Variants in HIPK1 observed in about 807,000 individuals in gnomAD.
The protein encoded by HIPK1 is homeodomain-interacting protein kinase 1.
Under a neutral mutation model 117.1 loss-of-function variants are expected in HIPK1, and 28 were observed. The observed-to-expected ratio is 0.24, with a 90% CI of 0.18 to 0.33. The LOEUF is 0.33. Among genes scored for constraint, HIPK1 ranks in the 10% least tolerant of loss-of-function variants. HIPK1 has a pLI of 1.00. For missense variants in HIPK1, 1,122 were observed against 1,475.1 expected (o/e 0.76, Z 3.92); for synonymous variants, 605 against 562.5 (o/e 1.08, Z -1.07).
intron 8 of HIPK1, among the ~76,000 whole-genome samples, chr1:113,959,660 G>A (rs1671967001): frequency 6.6e-6 from 1 of 152,206 alleles, no homozygotes; most frequent in Non-Finnish European, 1.5e-5. Flanking sequence ...AACTAATGAA[G>A]TTAGAGGGGA....
chr1:113,946,223 C>G (rs532097401), intron 2 of HIPK1, among the ~76,000 whole-genome samples: 3 of 152,298 alleles, frequency 2.0e-5, no homozygotes, highest in South Asian at 4.1e-4. Flanking sequence ...ATAACATACT[C>G]TACAGGTGCA....
chr1:113,961,568 C>G (rs959151100), intron 8 of HIPK1, among the ~76,000 whole-genome samples: 1 of 152,252 alleles, frequency 6.6e-6, no homozygotes, highest in Middle Eastern at 3.4e-3. Context: ...TCTTTCTTAT[C>G]TAATTCACTA....
rs1266614817 is a variant in HIPK1 at position 113,929,960 on chromosome 1, G to A, written c.-3+428G>A. The A allele has an allele frequency of 3.0e-6, 3 of 985,292 alleles. No homozygotes were observed. In the Admixed American group the frequency reaches 1.8e-4, roughly 61 times the overall value. The allele number at this position is 985,292 out of a possible 1,614,324, so 61.0% of individuals were successfully genotyped here. On this transcript the variant is annotated intron_variant, in intron 1 of 15. Coordinates refer to ENST00000426820, the MANE Select transcript of HIPK1 (RefSeq NM_198268.3). ...CGGCGGTGAGTGGGGACGGGCAGGA[G>A]GGGTCCTCGGCGGGGAGCGACTTCC...
Position 113,970,037 on chromosome 1 carries a change from C to A in HIPK1, c.2853C>A (p.Ser951Arg). Reference sequence around the variant, plus strand: ...CAGACTCTGACTCTTCTTTGAGCAGCCCTTATTCCACTGATACCCTGAGTG... The same window carrying A: ...CAGACTCTGACTCTTCTTTGAGCAGACCTTATTCCACTGATACCCTGAGTG... ...DSPDSDSSLS[S>R]PYSTDTLSAL... The change falls in exon 14 of 16, where the codon AGC (serine) becomes AGA (arginine). Residue 951 changes from serine to arginine, a missense_variant. By Grantham distance (110) the Ser-to-Arg change is moderately radical. Around this residue, in one of 6 missense-constraint regions of HIPK1, gnomAD observed 731 missense variants for 860.4 expected, o/e 0.85. Transcript: ENST00000426820. 6.2e-7 allele frequency: 1 copy of A among 1,614,190 alleles called. No individual in the cohort carries two copies. Among genetic ancestry groups the A allele is most frequent in the Non-Finnish European group, 8.5e-7 (1 of 1,180,016 alleles).
At chr1:113,942,672 T>C (rs1670728309) in intron 2 of HIPK1, among the ~76,000 whole-genome samples, 1 of 152,204 alleles carries the variant, frequency 6.6e-6, no homozygotes, top group African/African-American at 2.4e-5. Flanking sequence ...ATTGATACTT[T>C]TAATGTAGCT....
intron 1 of HIPK1, among the ~76,000 whole-genome samples, chr1:113,936,114 A>ATT (rs1258627421): frequency 6.6e-6 from 1 of 152,100 alleles, no homozygotes; most frequent in Non-Finnish European, 1.5e-5. Context: ...GTGATTCTGT[A>ATT]TTTTCTTCTC....
chr1:113,952,750 T>A lies in HIPK1; in HGVS notation c.1077-16T>A. On this transcript the variant is annotated splice_polypyrimidine_tract_variant and intron_variant, in intron 2 of 15. Transcript: ENST00000426820. ...TGTTTTTTTTTTTTTAATCTGATAT[T>A]TTTTGTTTTTGCTAGAGCTCCTGAA... The A allele has an allele frequency of 6.9e-7, 1 of 1,452,398 alleles. No individual in the cohort carries two copies. Among genetic ancestry groups the A allele is most frequent in the Non-Finnish European group, 9.1e-7 (1 of 1,097,178 alleles). The allele number at this position is 1,452,398 out of a possible 1,614,324, so 90.0% of individuals were successfully genotyped here. A position where few individuals can be genotyped will look rare whatever the true frequency, so the allele number is the denominator to read the frequency against.
At position 113,941,986 on chromosome 1, in the gene HIPK1, A is replaced by C. The variant is rs551998163; in HGVS notation, c.1076+527A>C. ...CCGTGTTAGCCAGGATGGTCTCGAT[A>C]TCCTGACCTCGTGATCCACCCGTCT... On this transcript the variant is annotated intron_variant, in intron 2 of 15. Coordinates refer to ENST00000426820, the MANE Select transcript of HIPK1 (RefSeq NM_198268.3). The surrounding 1 kb of genome is among the most constrained non-coding windows in gnomAD (Gnocchi z 4.9). Among the ~76,000 whole-genome samples, 1 of 151,138 alleles carries C rather than the reference A, an allele frequency of 6.6e-6. No individual in the cohort carries two copies. The highest frequency in any genetic ancestry group is 2.4e-5 in the African/African-American group (1 of 41,088).
chr1:113,964,481 T>G (rs1342398788), intron 10 of HIPK1, among the ~76,000 whole-genome samples: 2 of 152,190 alleles, frequency 1.3e-5, no homozygotes, highest in Admixed American at 6.5e-5. Flanking sequence ...TTATTGGATA[T>G]CCAGCATTTT....
At chr1:113,956,088 T>C (rs1310386184) in intron 5 of HIPK1, among the ~76,000 whole-genome samples, 1 of 147,692 alleles carries the variant, frequency 6.8e-6, no homozygotes, top group East Asian at 2.0e-4. Flanking sequence ...TTTTTTTTTT[T>C]TTTTGAGACA....
chr1:113,940,307 T>C, intron 1 of HIPK1, 75 bp from the exon 2 acceptor site: 1 of 1,221,942 alleles, frequency 8.2e-7, no homozygotes, highest in East Asian at 2.3e-5. Flanking sequence ...AGTGTGTGTG[T>C]GTGTTTGTGT....
rs1396628064 is a variant in HIPK1 at position 113,966,171 on chromosome 1, A to G, written c.2280A>G (p.Ser760=). The G allele has an allele frequency of 6.2e-7, 1 of 1,613,850 alleles. No individual in the cohort carries two copies. Among genetic ancestry groups the G allele is most frequent in the Non-Finnish European group, 8.5e-7 (1 of 1,179,914 alleles). The part of the protein sequence containing the change: ...PGGTQQILLP[S]TWQQLPGVAL... ...GGACTCAGCAAATTCTCCTGCCTTCAACTTGGCAACAGTTGCCTGGGGTAG... is the reference window on the plus strand; with the variant it reads ...GGACTCAGCAAATTCTCCTGCCTTCGACTTGGCAACAGTTGCCTGGGGTAG... The change falls in exon 11 of 16, where the codon TCA becomes TCG. Residue 760 remains serine, a synonymous_variant. Transcript: ENST00000426820.
rs1363531921 is a variant in HIPK1, at chr1:113,929,351, C to T, written c.-184C>T. 7.8e-7 allele frequency: 1 copy of T among 1,289,410 alleles called. No individual in the cohort carries two copies. The highest frequency in any genetic ancestry group is 1.0e-6 in the Non-Finnish European group (1 of 988,880). 79.9% of individuals were successfully genotyped at this position (1,289,410 alleles called of 1,614,324 possible). On this transcript the variant is annotated 5_prime_UTR_variant, in exon 1 of 16. Coordinates refer to ENST00000426820, the MANE Select transcript of HIPK1 (RefSeq NM_198268.3). ...CATTTTACAGTTGGATCCCGTACCA[C>T]CGCCAGGCACCTTTAAATCACCGCA...
chr1:113,956,556 G>A, intron 5 of HIPK1, 71 bp from the exon 6 acceptor site: 1 of 1,053,130 alleles, frequency 9.5e-7, no homozygotes, highest in Non-Finnish European at 1.4e-6. Context: ...ATAGTTTGGA[G>A]GGAAAGCAGC....
Position 113,940,605 on chromosome 1 carries a change from C to T in HIPK1, c.222C>T (p.Leu74=), listed in dbSNP as rs746676337. The T allele has an allele frequency of 1.9e-6, 3 of 1,614,110 alleles. No homozygotes were observed. The highest frequency in any genetic ancestry group is 2.7e-5 in the African/African-American group (2 of 74,932). ...ACATCCCTGCTTACGACCAGGGCCTCCTCCTCCCAGCTCCTGCAGTGGAGC... is the reference window on the plus strand; with the variant it reads ...ACATCCCTGCTTACGACCAGGGCCTTCTCCTCCCAGCTCCTGCAGTGGAGC... ...NFNIPAYDQG[L]LLPAPAVEHI... The change falls in exon 2 of 16, where the codon CTC becomes CTT. Residue 74 remains leucine, a synonymous_variant. Transcript: ENST00000426820.
At chr1:113,963,241 G>A in intron 9 of HIPK1, 146 bp from the exon 10 acceptor site, 1 of 886,530 alleles carries the variant, frequency 1.1e-6, no homozygotes, top group South Asian at 1.8e-5. Context: ...AGTTGAAGGG[G>A]GAAAGTTGTG....
At chr1:113,965,286 A>ATT (rs34412792) in intron 10 of HIPK1, among the ~76,000 whole-genome samples, 5 of 149,324 alleles carry the variant, frequency 3.3e-5, no homozygotes, top group Admixed American at 6.7e-5. Flanking sequence ...ATCCGTTCCC[A>ATT]TTTTTTTTTT....
chr1:113,962,487 G>A (rs372000775), intron 9 of HIPK1, 49 bp downstream of exon 9: 141 of 1,572,148 alleles, frequency 9.0e-5, no homozygotes, highest in Non-Finnish European at 1.2e-4. Context: ...ACACTATTGA[G>A]ATTCAGATAT....
In HIPK1 at chr1:113,929,356, A is replaced by G. The variant is rs1298494076; in HGVS notation, c.-179A>G. ...TACAGTTGGATCCCGTACCACCGCC[A>G]GGCACCTTTAAATCACCGCAGAGTC... On this transcript the variant is annotated 5_prime_UTR_variant, in exon 1 of 16. Coordinates refer to ENST00000426820, the MANE Select transcript of HIPK1 (RefSeq NM_198268.3). 2 of 1,289,490 alleles carry G rather than the reference A, an allele frequency of 1.6e-6. No individual in the cohort carries two copies. The highest frequency in any genetic ancestry group is 2.0e-6 in the Non-Finnish European group (2 of 988,866). 79.9% of individuals were successfully genotyped at this position (1,289,490 alleles called of 1,614,324 possible).
Sources: allele counts gnomAD v4.1 joint callset (sites outside exome capture counted in the v4.1 genomes callset), GRCh38; gene constraint gnomAD v4.1.1; regional missense constraint gnomAD v4.1.1; non-coding constraint Gnocchi (gnomAD v3.1); transcripts MANE v1.5; gene names NCBI Gene and HGNC (gene_info 2026-07-23, HGNC 2026-07-21).